SPIDR: variants seen among roughly 807,000 people sequenced by gnomAD.
SPIDR encodes DNA repair-scaffolding protein.
SPIDR carries 93 observed loss-of-function variants against 104.6 expected under a neutral mutation model. The observed-to-expected ratio is 0.89, with a 90% CI of 0.75 to 1.06. SPIDR has a LOEUF of 1.06. Among genes scored for constraint, SPIDR ranks in the 50% least tolerant of loss-of-function variants. The pLI is 0.00. For synonymous variants in SPIDR, 431 were observed against 416.9 expected (o/e 1.03, Z -0.41); for missense variants, 1,154 against 1,111.2 (o/e 1.04, Z -0.55).
intron 11 of SPIDR, among the ~76,000 whole-genome samples, chr8:47,685,657 C>T (rs537357279): frequency 1.3e-5 from 2 of 151,538 alleles, no homozygotes; most frequent in Admixed American, 6.6e-5. Context: ...CAGGTTCAAG[C>T]GATTCTCCTG....
rs368285379 is a variant in SPIDR, at chr8:47,727,949, T to A, written c.2435+656T>A. ...CTGGCCAACATGGCAAAACCCAGTC[T>A]CTACTAAAAATACAAACATTAGCTG... On this transcript the variant is annotated intron_variant, in intron 17 of 19. Coordinates refer to ENST00000297423, the MANE Select transcript of SPIDR (RefSeq NM_001080394.4). 1.9e-4 allele frequency among the ~76,000 whole-genome samples: 28 copies of A among 151,068 alleles called. 1 individual carries two copies. The highest frequency in any genetic ancestry group is 6.6e-4 in the African/African-American group (27 of 40,996).
chr8:47,627,286 C>G (rs2066316986), intron 10 of SPIDR, among the ~76,000 whole-genome samples: 1 of 151,820 alleles, frequency 6.6e-6, no homozygotes, highest in Admixed American at 6.6e-5. Context: ...ATACCTAATG[C>G]TAAATGACAA....
chr8:47,561,488 G>A (rs2057072025), intron 8 of SPIDR, among the ~76,000 whole-genome samples: 1 of 152,210 alleles, frequency 6.6e-6, no homozygotes, highest in South Asian at 2.1e-4. Context: ...ACTTTTCTCA[G>A]CCCGCTGCAG....
chr8:47,558,560 A>G (rs1264505711), intron 8 of SPIDR, among the ~76,000 whole-genome samples: 1 of 152,152 alleles, frequency 6.6e-6, no homozygotes, highest in Non-Finnish European at 1.5e-5. Context: ...GATAATGGGT[A>G]AGTTAAGGTT....
At chr8:47,270,199 T>TCC (rs2035009855) in intron 1 of SPIDR, among the ~76,000 whole-genome samples, 1 of 152,160 alleles carries the variant, frequency 6.6e-6, no homozygotes, top group Non-Finnish European at 1.5e-5. Flanking sequence ...TTGGAAGAGT[T>TCC]TGTGAAGGAT....
intron 14 of SPIDR, among the ~76,000 whole-genome samples, chr8:47,706,017 T>G (rs920973406): frequency 6.6e-6 from 1 of 152,148 alleles, no homozygotes; most frequent in Admixed American, 6.5e-5. Context: ...AGTTTCACAG[T>G]AGATTGCAAA....
intron 11 of SPIDR, among the ~76,000 whole-genome samples, chr8:47,693,089 A>T (rs2078899674): frequency 6.6e-6 from 1 of 152,162 alleles, no homozygotes; most frequent in Non-Finnish European, 1.5e-5. Flanking sequence ...TTTGTTCATG[A>T]TCTCTTGGGC....
intron 8 of SPIDR, among the ~76,000 whole-genome samples, chr8:47,522,548 C>T (rs1564218351): frequency 6.6e-6 from 1 of 152,090 alleles, no homozygotes; most frequent in Non-Finnish European, 1.5e-5. Flanking sequence ...ACCAGCATGA[C>T]CCCAGGTCAA....
At position 47,627,019 on chromosome 8, in the gene SPIDR, C is replaced by G. The variant is rs184023913; in HGVS notation, c.1544+27823C>G. ...TCCAACAGCGATAGACTGGATTAAG[C>G]AAATGTGGCACATATACACCATGGA... On this transcript the variant is annotated intron_variant, in intron 10 of 19. Coordinates refer to ENST00000297423, the MANE Select transcript of SPIDR (RefSeq NM_001080394.4). 2.1e-3 allele frequency among the ~76,000 whole-genome samples: 323 copies of G among 152,150 alleles called. 1 individual carries two copies. Among genetic ancestry groups the G allele is most frequent in the African/African-American group, 7.5e-3 (313 of 41,504 alleles).
intron 8 of SPIDR, among the ~76,000 whole-genome samples, chr8:47,496,932 T>C (rs1283704801): frequency 3.9e-5 from 6 of 152,092 alleles, no homozygotes; most frequent in Non-Finnish European, 7.4e-5. Flanking sequence ...TTTGGGAGTT[T>C]GTGCCTTTCT....
Position 47,727,243 on chromosome 8 carries a change from TGTGTGTGAC to T in SPIDR, c.2386_2394del (p.Val796_Asp798del). The T allele has an allele frequency of 6.2e-7, 1 of 1,614,104 alleles. No individual in the cohort carries two copies. The highest frequency in any genetic ancestry group is 8.5e-7 in the Non-Finnish European group (1 of 1,180,002). ...ACGAGAGCACTGCTTTCTCATGGCC[TGTGTGTGAC>T]ATGTGTGGCAACGGGAGATTGGAAC... On this transcript the variant is annotated inframe_deletion, in exon 17 of 20. Coordinates refer to ENST00000297423, the MANE Select transcript of SPIDR (RefSeq NM_001080394.4).
rs75747740 is a variant in SPIDR, at chr8:47,593,505, A to G, written c.1098-2306A>G. 4.2e-3 allele frequency among the ~76,000 whole-genome samples: 632 copies of G among 152,276 alleles called. 6 individuals are homozygous for G. The highest frequency in any genetic ancestry group is 0.014 in the African/African-American group (598 of 41,542). On this transcript the variant is annotated intron_variant, in intron 8 of 19. Transcript: ENST00000297423. ...TTATGTTATCTCAGTATTGACATCTATTAACTGTCTTTATTCATTCAAGTT... is the reference window on the plus strand; with the variant it reads ...TTATGTTATCTCAGTATTGACATCTGTTAACTGTCTTTATTCATTCAAGTT...
intron 8 of SPIDR, among the ~76,000 whole-genome samples, chr8:47,504,976 T>TG (rs1293067088): frequency 5.9e-5 from 9 of 152,228 alleles, no homozygotes; most frequent in African/African-American, 2.2e-4. Flanking sequence ...TGTTGCTGCC[T>TG]GATCGTTTCT....
rs2073802140 is a variant in SPIDR, at chr8:47,460,735, A to G, written c.1097+20193A>G. On this transcript the variant is annotated intron_variant, in intron 8 of 19. Transcript: ENST00000297423. ...CCTTGGTGGCTTTTTTAATTATTAT[A>G]TTTTTGTTTTATAGGTCCTGTGAGA... Among the ~76,000 whole-genome samples, 3 of 151,936 alleles carry G rather than the reference A, an allele frequency of 2.0e-5. No homozygotes were observed. The South Asian group carries it at 6.2e-4, about 32-fold the overall frequency.
At chr8:47,685,359 G>T (rs1159656525) in intron 11 of SPIDR, among the ~76,000 whole-genome samples, 3 of 151,786 alleles carry the variant, frequency 2.0e-5, no homozygotes, top group Non-Finnish European at 4.4e-5. Flanking sequence ...AATGGGCAGG[G>T]TTTTGTTTTA....
rs536212188 is a variant in SPIDR at position 47,429,927 on chromosome 8, C to T, written c.878-10396C>T. On this transcript the variant is annotated intron_variant, in intron 7 of 19. Coordinates refer to ENST00000297423, the MANE Select transcript of SPIDR (RefSeq NM_001080394.4). ...TGCTGGTGTGCTGCACCCATTAACT[C>T]GTCATTTAGCATTAGGTATATCTCC... Among the ~76,000 whole-genome samples the T allele has an allele frequency of 5.3e-4, 80 of 152,166 alleles. 2 individuals carry two copies. The highest frequency in any genetic ancestry group is 3.7e-3 in the Admixed American group (57 of 15,288).
At chr8:47,331,989 C>CTTTTTTTTTTTTTTT (rs1289524835) in intron 5 of SPIDR, among the ~76,000 whole-genome samples, 3 of 36,314 alleles carry the variant, frequency 8.3e-5, no homozygotes, top group Non-Finnish European at 5.5e-5. Context: ...TTTTTTTTCT[C>CTTTTTTTTTTTTTTT]TTTTTTTTTT....
chr8:47,596,459 T>A (rs563617075), intron 9 of SPIDR, among the ~76,000 whole-genome samples: 15 of 152,222 alleles, frequency 9.9e-5, no homozygotes, highest in African/African-American at 3.6e-4. Flanking sequence ...TAAACGTATC[T>A]AAACATAGAA....
At chr8:47,317,155 A>G (rs1022794994) in intron 5 of SPIDR, among the ~76,000 whole-genome samples, 1 of 152,208 alleles carries the variant, frequency 6.6e-6, no homozygotes, top group South Asian at 2.1e-4. Flanking sequence ...AGGGCGAGGC[A>G]TCACCTCACC....
Sources: gnomAD v4.1 joint callset for allele counts (sites outside exome capture counted in the v4.1 genomes callset) on GRCh38, gnomAD v4.1.1 for gene constraint, MANE v1.5 for transcripts, NCBI Gene and HGNC (gene_info 2026-07-23, HGNC 2026-07-21) for gene names.